XG: variants seen among roughly 807,000 people sequenced by gnomAD.
XG encodes the protein Xg glycoprotein (Xg blood group).
In XG, 24 loss-of-function variants were observed where a neutral mutation model predicts 25.7. The observed-to-expected ratio is 0.93, with a 90% CI of 0.68 to 1.31. The LOEUF (loss-of-function observed/expected upper bound fraction) is 1.31, where lower values mean the gene tolerates loss of function less well. Among genes scored for constraint, XG ranks in the 40% most tolerant of loss-of-function variants. The pLI is 0.00. For synonymous variants in XG, 77 were observed against 69.2 expected, an observed-to-expected ratio of 1.11 and a Z score of -0.56; for missense variants, 181 against 187.6, an observed-to-expected ratio of 0.96 and a Z score of 0.21.
intron 2 of XG, among the ~76,000 whole-genome samples, chrX:2,770,877 G>A (rs1343574599): frequency 1.3e-5 from 2 of 151,930 alleles, no homozygotes; most frequent in South Asian, 2.1e-4. Context: ...TGGGAGTCTC[G>A]TTCTGATGCC....
At chrX:2,768,667 C>G (rs944807104) in intron 1 of XG, among the ~76,000 whole-genome samples, 1 of 152,174 alleles carries the variant, frequency 6.6e-6, no homozygotes, top group African/African-American at 2.4e-5. Context: ...ACTCAGACGG[C>G]TGAGGCACAA....
chrX:2,782,284 A>C (rs1266099887), intron 4 of XG, among the ~76,000 whole-genome samples, 156 bp downstream of exon 4: 11 of 112,622 alleles, frequency 9.8e-5, no homozygotes, highest in African/African-American at 3.5e-4. Context: ...GGGAGCAAGA[A>C]AGTCCAACGG....
rs1271245945 is a variant in XG at position 2,784,559 on chromosome X, G to A, written c.190+2431G>A. Among the ~76,000 whole-genome samples the A allele has an allele frequency of 1.5e-4, 14 of 93,224 alleles. 1 individual carries two copies. The Admixed American group carries it at 1.7e-3, about 12-fold the overall frequency. 81.0% of individuals were successfully genotyped at this position (93,224 alleles called of 115,157 possible). ...CACTCCAGGCTGGGCAACAGAGCGA[G>A]ACTCCGTCTCAAAAAAAAAAAAAAA... On this transcript the variant is annotated intron_variant, in intron 4 of 10. Coordinates refer to ENST00000644266, the MANE Select transcript of XG (RefSeq NM_001141919.2).
intron 3 of XG, among the ~76,000 whole-genome samples, chrX:2,776,714 G>A (rs959499389): frequency 5.3e-5 from 8 of 152,166 alleles, no homozygotes; most frequent in African/African-American, 1.7e-4. Context: ...CAGGCATGGT[G>A]GCGGGCGCCT....
intron 4 of XG, among the ~76,000 whole-genome samples, chrX:2,784,672 A>T (rs1022369221): frequency 9.0e-6 from 1 of 111,571 alleles, no homozygotes; most frequent in Non-Finnish European, 1.9e-5. Flanking sequence ...CCCACAGCAA[A>T]GTGATTCATG....
At chrX:2,758,323 C>T (rs2050482161) in intron 1 of XG, among the ~76,000 whole-genome samples, 1 of 152,164 alleles carries the variant, frequency 6.6e-6, no homozygotes. Context: ...AGTCCCCACC[C>T]ACTGAGGTCT....
chrX:2,765,214 G>A (rs2050654819), intron 1 of XG, among the ~76,000 whole-genome samples: 1 of 151,850 alleles, frequency 6.6e-6, no homozygotes, highest in African/African-American at 2.4e-5. Flanking sequence ...GGGCATAGTA[G>A]GGGGCGCCTG....
chrX:2,780,669 G>C (rs113278301), intron 3 of XG, among the ~76,000 whole-genome samples: 2 of 151,132 alleles, frequency 1.3e-5, no homozygotes, highest in African/African-American at 4.9e-5. Context: ...AGGGAGCGGA[G>C]ATCATGCCAC....
chrX:2,798,781 C>T (rs2086909030), intron 7 of XG, among the ~76,000 whole-genome samples: 1 of 111,639 alleles, frequency 9.0e-6, no homozygotes, highest in Non-Finnish European at 1.9e-5. Flanking sequence ...GCTGGGATTA[C>T]AGACGTGAGC....
chrX:2,773,289 G>GA, intron 2 of XG, among the ~76,000 whole-genome samples: 1 of 143,360 alleles, frequency 7.0e-6, no homozygotes, highest in Admixed American at 7.2e-5. Flanking sequence ...GGAAGAAGGA[G>GA]AGGAATGAAG....
intron 7 of XG, among the ~76,000 whole-genome samples, chrX:2,801,732 G>C (rs765446696): frequency 1.8e-5 from 2 of 108,780 alleles, no homozygotes. Context: ...TTTTTGAGAC[G>C]GAGTCTCGCT....
chrX:2,758,120 G>A lies in XG; in HGVS notation c.61+5785G>A, dbSNP rs920343376. Among the ~76,000 whole-genome samples the A allele has an allele frequency of 7.3e-5, 11 of 151,710 alleles. No homozygotes were observed. The East Asian group carries it at 1.2e-3, about 16-fold the overall frequency. ...ATTTTTCTTGACTTGCTTCCATTCT[G>A]GTGCCCCCTCTCTCCCTGCCCCCTC... is the stretch of plus-strand genomic sequence containing the variant. On this transcript the variant is annotated intron_variant, in intron 1 of 10. Transcript: ENST00000644266.
At chrX:2,767,599 T>C (rs2050728562) in intron 1 of XG, among the ~76,000 whole-genome samples, 2 of 152,110 alleles carry the variant, frequency 1.3e-5, no homozygotes, top group African/African-American at 4.8e-5. Context: ...CAACCCGACC[T>C]TGGAGACAGA....
intron 1 of XG, among the ~76,000 whole-genome samples, chrX:2,753,912 G>A (rs311110): frequency 0.48 from 72,232 of 151,610 alleles, 17,404 homozygotes; most frequent in African/African-American, 0.53. Context: ...TCAGTACAAT[G>A]TTCAATAAAT....
intron 6 of XG, among the ~76,000 whole-genome samples, chrX:2,796,468 A>ATGTGTGTGTGTG (rs200727930): frequency 3.2e-4 from 31 of 95,977 alleles, no homozygotes; most frequent in African/African-American, 1.1e-3. Context: ...ATTTAGGTAT[A>ATGTGTGTGTGTG]TGTGTGTGTG....
At chrX:2,771,771 A>G (rs959276374) in intron 2 of XG, among the ~76,000 whole-genome samples, 10 of 152,364 alleles carry the variant, frequency 6.6e-5, no homozygotes, top group African/African-American at 2.4e-4. Context: ...TAAAAAGCCA[A>G]CAACAAGATG....
chrX:2,759,330 C>G (rs2050510555), intron 1 of XG, among the ~76,000 whole-genome samples: 1 of 152,172 alleles, frequency 6.6e-6, no homozygotes, highest in Non-Finnish European at 1.5e-5. Context: ...ACTTCTAACC[C>G]TGCGAAAGGG....
intron 5 of XG, among the ~76,000 whole-genome samples, chrX:2,791,941 C>T (rs1395753080): frequency 9.0e-6 from 1 of 110,908 alleles, no homozygotes; most frequent in Admixed American, 9.7e-5. Flanking sequence ...AGCATTCGTC[C>T]ACCAAGACAT....
intron 1 of XG, among the ~76,000 whole-genome samples, chrX:2,762,851 T>C (rs2050595228): frequency 6.6e-6 from 1 of 152,112 alleles, no homozygotes; most frequent in Non-Finnish European, 1.5e-5. Flanking sequence ...CTCCCTAGCA[T>C]GGAAATAAAG....
Sources: gnomAD v4.1 joint callset for allele counts (sites outside exome capture counted in the v4.1 genomes callset) on GRCh38, gnomAD v4.1.1 for gene constraint, MANE v1.5 for transcripts, NCBI Gene and HGNC (gene_info 2026-07-23, HGNC 2026-07-21) for gene names.